Variants in ATL3 observed in about 807,000 individuals in gnomAD.
The protein encoded by ATL3 is atlastin GTPase 3, also known as atlastin-3.
In ATL3, 49 loss-of-function variants were observed where a neutral mutation model predicts 69.5. That is an observed-to-expected ratio of 0.71 (90% confidence interval 0.56 to 0.89). The LOEUF is 0.89. ATL3 is among the 40% of genes least tolerant of loss of function. ATL3 has a pLI of 0.00. For missense variants in ATL3, 606 were observed against 645.7 expected (o/e 0.94, Z 0.67); for synonymous variants, 214 against 224.1 (o/e 0.95, Z 0.40).
intron 8 of ATL3, among the ~76,000 whole-genome samples, chr11:63,638,598 G>A (rs997048864): frequency 2.0e-5 from 3 of 152,074 alleles, no homozygotes; most frequent in African/African-American, 4.8e-5. Flanking sequence ...CCAGCTACTC[G>A]GGAGGATGTG....
At chr11:63,638,511 C>A (rs1020725883) in intron 8 of ATL3, among the ~76,000 whole-genome samples, 1 of 152,090 alleles carries the variant, frequency 6.6e-6, no homozygotes, top group Admixed American at 6.5e-5. Flanking sequence ...TCAAGACCAG[C>A]CTGGCCAACA....
Position 63,629,365 on chromosome 11 carries a change from C to T in ATL3, c.1580G>A (p.Arg527Lys). The T allele has an allele frequency of 6.2e-7, 1 of 1,614,176 alleles. No homozygotes were observed. Among genetic ancestry groups the T allele is most frequent in the Middle Eastern group, 1.6e-4 (1 of 6,062 alleles). Residue 527 changes from arginine (R) to lysine (K), a missense_variant, in exon 13 of 13, where the codon AGG (arginine) becomes AAG (lysine). Coordinates refer to ENST00000398868, the MANE Select transcript of ATL3 (RefSeq NM_015459.5). ...HIGNSTQATV[R>K]DAVVGRPSMD... ...GGATGGTCTTCCAACAACTGCATCCCTCACAGTGGCCTGAGTGGAATTACC... is the reference window on the plus strand; with the variant it reads ...GGATGGTCTTCCAACAACTGCATCCTTCACAGTGGCCTGAGTGGAATTACC...
intron 10 of ATL3, among the ~76,000 whole-genome samples, chr11:63,633,628 C>T (rs1212727966): frequency 6.6e-6 from 1 of 151,544 alleles, no homozygotes; most frequent in Non-Finnish European, 1.5e-5. Context: ...AAGTGATCTG[C>T]CCACCTCAGC....
chr11:63,671,841 C>T (rs111966474), upstream of ATL3: 1,742 of 807,784 alleles, frequency 2.2e-3, 24 homozygotes, highest in African/African-American at 0.029. Context: ...CGGCGCCTAA[C>T]GTGCAGACCA....
intron 10 of ATL3, among the ~76,000 whole-genome samples, chr11:63,634,000 A>C (rs1939420259): frequency 7.1e-6 from 1 of 140,092 alleles, no homozygotes; most frequent in Non-Finnish European, 1.5e-5. Context: ...ACGCCACTGC[A>C]CTCCAGCCTG....
At chr11:63,651,447 T>C (rs1417463497) in intron 5 of ATL3, among the ~76,000 whole-genome samples, 1 of 151,662 alleles carries the variant, frequency 6.6e-6, no homozygotes, top group South Asian at 2.1e-4. Context: ...GCAGCCAGAA[T>C]GATCCCTTTA....
chr11:63,670,972 G>A (rs1049312333), intron 1 of ATL3, among the ~76,000 whole-genome samples: 1 of 152,124 alleles, frequency 6.6e-6, no homozygotes, highest in Non-Finnish European at 1.5e-5. Context: ...GGGGACCACC[G>A]GCCCTTGGGC....
intron 1 of ATL3, among the ~76,000 whole-genome samples, chr11:63,669,489 C>T (rs1415957489): frequency 2.7e-5 from 4 of 150,078 alleles, no homozygotes; most frequent in Non-Finnish European, 4.4e-5. Flanking sequence ...GAGCAGAGAT[C>T]GCGCCATTGC....
intron 8 of ATL3, among the ~76,000 whole-genome samples, chr11:63,642,501 T>C (rs1468785273): frequency 6.6e-6 from 1 of 152,188 alleles, no homozygotes; most frequent in Non-Finnish European, 1.5e-5. Flanking sequence ...ATCCTCTAAA[T>C]GATTTCCTCC....
chr11:63,663,414 G>A (rs1940479690), intron 1 of ATL3, among the ~76,000 whole-genome samples: 1 of 152,166 alleles, frequency 6.6e-6, no homozygotes, highest in South Asian at 2.1e-4. Flanking sequence ...TGTGAATGTG[G>A]ATGATAGCCA....
At chr11:63,631,576 C>G in intron 11 of ATL3, 105 bp from the exon 12 acceptor site, 1 of 1,029,100 alleles carries the variant, frequency 9.7e-7, no homozygotes, top group Non-Finnish European at 1.4e-6. Context: ...AAGATGTTAA[C>G]AATGTATTAA....
In ATL3 at chr11:63,652,540, A is replaced by G. The variant is rs1381088859; in HGVS notation, c.441T>C (p.Phe147=). ...AVVLMDTQGA[F]DSQSTVKDCA... ...AGTCTTTCACAGTTGACTGGCTGTC[A>G]AATGCCCCCTGGGTATCCATCAGAA... Residue 147 remains phenylalanine, a synonymous_variant, in exon 4 of 13, where the codon TTT becomes TTC. Coordinates refer to ENST00000398868, the MANE Select transcript of ATL3 (RefSeq NM_015459.5). 1 of 1,612,230 alleles carries G rather than the reference A, an allele frequency of 6.2e-7. No individual in the cohort carries two copies. The highest frequency in any genetic ancestry group is 1.1e-5 in the South Asian group (1 of 90,802).
intron 1 of ATL3, among the ~76,000 whole-genome samples, chr11:63,663,661 A>C (rs1264482306): frequency 6.6e-6 from 1 of 152,218 alleles, no homozygotes; most frequent in Non-Finnish European, 1.5e-5. Flanking sequence ...CAAAGAACTA[A>C]TGAGAAGAAT....
At chr11:63,671,419 CG>C (rs1349837546), upstream of ATL3, 17 of 1,515,468 alleles carry the variant, frequency 1.1e-5, no homozygotes, top group Non-Finnish European at 1.4e-5. Flanking sequence ...GCCCTGGAAG[CG>C]GGAAACGGGC....
chr11:63,643,281 A>C (rs1939758235), intron 8 of ATL3, 76 bp downstream of exon 8: 6 of 1,433,700 alleles, frequency 4.2e-6, no homozygotes, highest in Non-Finnish European at 5.6e-6. Context: ...TTAAGCATTC[A>C]CTTGATTTGT....
intron 11 of ATL3, among the ~76,000 whole-genome samples, chr11:63,631,704 G>A (rs933595438): frequency 2.6e-5 from 4 of 152,166 alleles, no homozygotes; most frequent in African/African-American, 4.8e-5. Flanking sequence ...ACACTGGGAC[G>A]GGTGCGGTGG....
chr11:63,644,918 C>A (rs1476280815), intron 6 of ATL3, among the ~76,000 whole-genome samples: 2 of 152,036 alleles, frequency 1.3e-5, no homozygotes, highest in African/African-American at 4.8e-5. Flanking sequence ...ACCAGCTAAT[C>A]ATAAAATCAG....
At chr11:63,659,460 T>A (rs1228733332) in intron 1 of ATL3, among the ~76,000 whole-genome samples, 1 of 152,016 alleles carries the variant, frequency 6.6e-6, no homozygotes, top group Non-Finnish European at 1.5e-5. Context: ...CCCAGCGCTA[T>A]GAAATTTAAA....
intron 5 of ATL3, among the ~76,000 whole-genome samples, 163 bp from the exon 6 acceptor site, chr11:63,646,726 TCACATCC>T (rs1939893509): frequency 6.6e-6 from 1 of 152,160 alleles, no homozygotes; most frequent in African/African-American, 2.4e-5. Context: ...TATTCCCTGC[TCACATCC>T]CACATCCCAA....
Sources: allele counts gnomAD v4.1 joint callset (sites outside exome capture counted in the v4.1 genomes callset), GRCh38; gene constraint gnomAD v4.1.1; transcripts MANE v1.5; gene names NCBI Gene and HGNC (gene_info 2026-07-23, HGNC 2026-07-21).